The following RP1 variants were observed in gnomAD, a reference collection of about 807,000 sequenced individuals.
The protein encoded by RP1 is oxygen-regulated protein 1.
Under a neutral mutation model 14.8 loss-of-function variants are expected in RP1, and 16 were observed. That is an observed-to-expected ratio of 1.08 (90% CI 0.73 to 1.65). The LOEUF (loss-of-function observed/expected upper bound fraction) is 1.65. Ranked by LOEUF, RP1 falls within the 40% of genes most tolerant of loss-of-function variation. The pLI, the probability that RP1 is intolerant of heterozygous loss-of-function variation, is 0.00. For missense variants in RP1, 2,631 were observed against 2,535.0 expected (o/e 1.04, Z -0.81); for synonymous variants, 876 against 883.6 (o/e 0.99, Z 0.15).
chr8:54,752,493 T>A lies in RP1; in HGVS notation c.2809-2310T>A, dbSNP rs79364987. ...CCCCTAATTGTTTATTTTTGTACAT[T>A]TGTATGATTATTATAGACGTTACAA... On this transcript the variant is annotated intron_variant, in intron 19 of 22. Coordinates refer to the RP1 transcript ENST00000636932. Among the ~76,000 whole-genome samples, 1,192 of 152,344 alleles carry A rather than the reference T, an allele frequency of 7.8e-3. 13 individuals are homozygous for A. Among genetic ancestry groups the A allele is most frequent in the African/African-American group, 0.027 (1,121 of 41,576 alleles).
At chr8:54,638,889 TCTCTCTCTCTCTCTCTCTCG>T (rs1476982782) in intron 3 of RP1, among the ~76,000 whole-genome samples, 2 of 111,528 alleles carry the variant, frequency 1.8e-5, no homozygotes, top group Non-Finnish European at 3.9e-5. Context: ...CTTCTCTCTC[TCTCTCTCTCTCTCTCTCTCG>T]GTCTCTCTCA....
At chr8:54,591,637 T>TA (rs1028113299) in intron 1 of RP1, among the ~76,000 whole-genome samples, 4 of 152,056 alleles carry the variant, frequency 2.6e-5, no homozygotes, top group East Asian at 1.9e-4. Flanking sequence ...ATTTATGGCA[T>TA]AAAAAATCAC....
At chr8:54,648,069 G>A (rs529653982) in intron 3 of RP1, among the ~76,000 whole-genome samples, 18 of 152,170 alleles carry the variant, frequency 1.2e-4, no homozygotes, top group Admixed American at 3.9e-4. Context: ...CCCCCTTCGC[G>A]TGTGCTCTCT....
At chr8:54,580,911 C>T (rs1164340914) in intron 1 of RP1, among the ~76,000 whole-genome samples, 2 of 152,218 alleles carry the variant, frequency 1.3e-5, no homozygotes, top group East Asian at 1.9e-4. Flanking sequence ...GCAACTGCGC[C>T]TGGCCCAACA....
intron 5 of RP1, among the ~76,000 whole-genome samples, chr8:54,655,742 G>T (rs1224894201): frequency 6.6e-6 from 1 of 152,116 alleles, no homozygotes; most frequent in Admixed American, 6.5e-5. Flanking sequence ...ATTTATCTGG[G>T]TGCAGTGGCA....
Position 54,622,141 on chromosome 8 carries a change from C to T in RP1, c.640C>T (p.Leu214=), listed in dbSNP as rs563819315. The change falls in exon 3 of 4, where the codon CTG becomes TTG. Residue 214 remains leucine, a synonymous_variant. Transcript: ENST00000220676. ...RRVPSLQAVI[L]SSGAVVAAGR... ...GGTTCCCAGCCTCCAGGCAGTGATC[C>T]TGAGCTCTGGAGCTGTGGTGGCGGC... 7 of 1,614,166 alleles carry T rather than the reference C, an allele frequency of 4.3e-6. No homozygotes were observed. The African/African-American group carries it at 9.3e-5, about 22-fold the overall frequency.
intron 24 of RP1, among the ~76,000 whole-genome samples, chr8:54,810,697 C>T (rs1317492959): frequency 6.6e-6 from 1 of 152,186 alleles, no homozygotes; most frequent in Non-Finnish European, 1.5e-5. Context: ...TGGAAAATCC[C>T]TGTTCCAACA....
intron 1 of RP1, among the ~76,000 whole-genome samples, chr8:54,592,931 C>T (rs528767154): frequency 6.6e-6 from 1 of 152,222 alleles, no homozygotes; most frequent in African/African-American, 2.4e-5. Flanking sequence ...AGGAGCTTCT[C>T]TTTTGTCAAG....
chr8:54,739,445 A>G (rs1809015597), intron 19 of RP1, among the ~76,000 whole-genome samples: 1 of 152,134 alleles, frequency 6.6e-6, no homozygotes, highest in Non-Finnish European at 1.5e-5. Flanking sequence ...TGTGAACAAA[A>G]TTTTTGTGGA....
At chr8:54,697,499 G>A (rs1325248548) in intron 12 of RP1, among the ~76,000 whole-genome samples, 1 of 152,172 alleles carries the variant, frequency 6.6e-6, no homozygotes, top group African/African-American at 2.4e-5. Context: ...ATGCTGCAGT[G>A]AGCCAAGATT....
At chr8:54,725,002 C>T (rs536562800) in intron 16 of RP1, among the ~76,000 whole-genome samples, 69 of 152,254 alleles carry the variant, frequency 4.5e-4, no homozygotes, top group Middle Eastern at 6.8e-3. Flanking sequence ...TCCCTATGCA[C>T]GTTGTGCTTG....
At chr8:54,870,323 T>G (rs544834676) in exon 29 of RP1, 1 of 163,712 alleles carries the variant, frequency 6.1e-6, no homozygotes, top group South Asian at 2.0e-4. Context: ...AAGTATTCTT[T>G]GTAGAAAATA....
At chr8:54,789,906 T>C (rs1810419221) in intron 24 of RP1, among the ~76,000 whole-genome samples, 1 of 152,196 alleles carries the variant, frequency 6.6e-6, no homozygotes, top group Non-Finnish European at 1.5e-5. Context: ...GAGCCCAGGC[T>C]GCAGCTAACC....
chr8:54,846,803 C>T (rs751735858), intron 25 of RP1, among the ~76,000 whole-genome samples: 1 of 152,158 alleles, frequency 6.6e-6, no homozygotes, highest in Non-Finnish European at 1.5e-5. Context: ...TCTCTTTGGC[C>T]TTCCCTGAGG....
At chr8:54,565,385 C>G (rs1022106956) in intron 1 of RP1, among the ~76,000 whole-genome samples, 9 of 152,012 alleles carry the variant, frequency 5.9e-5, no homozygotes, top group African/African-American at 1.9e-4. Flanking sequence ...GCCAACAGGG[C>G]GAAACTCCGC....
intron 3 of RP1, among the ~76,000 whole-genome samples, chr8:54,646,282 C>G (rs967467128): frequency 6.6e-6 from 1 of 151,658 alleles, no homozygotes; most frequent in Non-Finnish European, 1.5e-5. Flanking sequence ...CTCCTCCCTA[C>G]TCTCTCCTTC....
intron 1 of RP1, among the ~76,000 whole-genome samples, chr8:54,576,075 CTG>C (rs1337217552): frequency 6.7e-6 from 1 of 149,448 alleles, no homozygotes; most frequent in Non-Finnish European, 1.5e-5. Context: ...GAGTCTCACT[CTG>C]TCACCCAGGC....
chr8:54,755,148 A>G (rs893147560), intron 20 of RP1, among the ~76,000 whole-genome samples: 2 of 152,172 alleles, frequency 1.3e-5, no homozygotes, highest in African/African-American at 4.8e-5. Context: ...TGGCCCAGCT[A>G]CAGTCACAAA....
chr8:54,679,460 G>C, exon 10 of RP1: 1 of 1,535,930 alleles, frequency 6.5e-7, no homozygotes, highest in Non-Finnish European at 8.7e-7. Context: ...AATTGTCAGA[G>C]AACTGTATGC....
Sources: allele counts gnomAD v4.1 joint callset (sites outside exome capture counted in the v4.1 genomes callset), GRCh38; gene constraint gnomAD v4.1.1; transcripts MANE v1.5; gene names NCBI Gene and HGNC (gene_info 2026-07-23, HGNC 2026-07-21).